Variants in VWF observed in about 807,000 individuals in gnomAD.
VWF encodes the protein Factor VIII related antigen.
VWF carries 176 observed loss-of-function variants against 308.6 expected under a neutral mutation model. The ratio of observed to expected loss-of-function variants is 0.57; its 90% CI spans 0.50 to 0.65. VWF has a LOEUF of 0.65. VWF is among the 30% of genes least tolerant of loss of function. The pLI is 0.00. For synonymous variants in VWF, 1,385 were observed against 1,443.4 expected (o/e 0.96, Z 0.92); for missense variants, 3,146 against 3,648.2 (o/e 0.86, Z 3.55).
chr12:6,088,515 G>A (rs1944998100), intron 6 of VWF, among the ~76,000 whole-genome samples: 1 of 151,112 alleles, frequency 6.6e-6, no homozygotes. Flanking sequence ...GAGAGAAAGG[G>A]GTGCCTTTTT....
Position 6,034,789 on chromosome 12 carries a change from CAT to C in VWF, c.2582_2583del (p.His861ArgfsTer3). ...ATCGTGGAGCACGTGGCATCACACA[CAT>C]GGTCTGTGCAGTTCCACTTCCGGTC... ...CQDRKWNCTDHVCDATCSTIG... is the reference protein window; with the variant it reads ...CQDRKWNCTDXVCDATCSTIG... On this transcript the variant is annotated frameshift_variant, in exon 20 of 52. Coordinates refer to ENST00000261405, the MANE Select transcript of VWF (RefSeq NM_000552.5). LOFTEE classifies it high-confidence loss of function. 2 of 1,614,258 alleles carry C rather than the reference CAT, an allele frequency of 1.2e-6. No homozygotes were observed. Among genetic ancestry groups the C allele is most frequent in the Non-Finnish European group, 8.5e-7 (1 of 1,180,056 alleles).
rs375148917 is a variant in VWF at position 6,062,947 on chromosome 12, C to T, written c.1533+7G>A. ...GCAGGGAGCCAGTACCCCGTGAGGG[C>T]ACCTACCTTCACCAGCAGCCTCCCG... On this transcript the variant is annotated splice_region_variant and intron_variant, in intron 13 of 51. Transcript: ENST00000261405. The T allele has an allele frequency of 1.2e-6, 2 of 1,610,894 alleles. No homozygotes were observed. The highest frequency in any genetic ancestry group is 1.3e-5 in the African/African-American group (1 of 75,014).
At chr12:6,034,619 A>T in intron 20 of VWF, 69 bp downstream of exon 20, 1 of 1,610,776 alleles carries the variant, frequency 6.2e-7, no homozygotes, top group South Asian at 1.1e-5. Context: ...ACAGAACCCA[A>T]CCTGAGGCCA....
chr12:5,968,479 GCTACTCTTGA>G (rs1565812918), intron 45 of VWF, among the ~76,000 whole-genome samples: 1 of 152,144 alleles, frequency 6.6e-6, no homozygotes, highest in East Asian at 1.9e-4. Flanking sequence ...ACAATGAAAC[GCTACTCTTGA>G]AAATTTCAGT....
chr12:5,976,010 C>T, intron 43 of VWF, 101 bp downstream of exon 43: 1 of 1,460,658 alleles, frequency 6.8e-7, no homozygotes, highest in South Asian at 1.2e-5. Flanking sequence ...AGCGAGTCTC[C>T]ATTTCAAAAA....
At chr12:6,069,135 C>A (rs1183130696) in intron 10 of VWF, among the ~76,000 whole-genome samples, 1 of 152,112 alleles carries the variant, frequency 6.6e-6, no homozygotes, top group African/African-American at 2.4e-5. Context: ...GGATTACAGG[C>A]GTGAGCCACC....
intron 16 of VWF, among the ~76,000 whole-genome samples, chr12:6,050,191 T>C (rs1944493738): frequency 6.6e-6 from 1 of 152,178 alleles, no homozygotes. Flanking sequence ...CTTGCGTCAC[T>C]GTCCTCACAG....
intron 6 of VWF, among the ~76,000 whole-genome samples, chr12:6,089,962 CTTTTT>C (rs56198206): frequency 6.6e-6 from 1 of 150,648 alleles, no homozygotes. Flanking sequence ...CCTCTTTTTT[CTTTTT>C]TTTTGTTTGA....
At chr12:5,992,447 C>G (rs1299226831) in intron 37 of VWF, among the ~76,000 whole-genome samples, 3 of 152,182 alleles carry the variant, frequency 2.0e-5, no homozygotes, top group Admixed American at 2.0e-4. Flanking sequence ...CAACTGAGGG[C>G]AGAGCAAGGA....
At position 6,098,687 on chromosome 12, in the gene VWF, G is replaced by A. The variant is rs547941327; in HGVS notation, c.533-3103C>T. Among the ~76,000 whole-genome samples, 4 of 151,980 alleles carry A rather than the reference G, an allele frequency of 2.6e-5. No homozygotes were observed. The East Asian group carries it at 7.8e-4, about 30-fold the overall frequency. On this transcript the variant is annotated intron_variant, in intron 5 of 51. Transcript: ENST00000261405. ...CCAGCTACTCGGGAGGCTGAGGCAG[G>A]AGAATGGTGTGAACCTGGGAGGCGG...
chr12:6,069,311 G>A (rs1944756283), intron 10 of VWF, among the ~76,000 whole-genome samples: 1 of 152,058 alleles, frequency 6.6e-6, no homozygotes, highest in Non-Finnish European at 1.5e-5. Context: ...TCTGAATACG[G>A]GCAGGTCTGT....
At chr12:5,965,336 C>T (rs571147650) in intron 47 of VWF, among the ~76,000 whole-genome samples, 7 of 152,296 alleles carry the variant, frequency 4.6e-5, no homozygotes, top group African/African-American at 1.7e-4. Flanking sequence ...CGGCTCGCAG[C>T]CCTTCCATCC....
At chr12:6,057,484 TTATTATTA>T (rs1490528926) in intron 14 of VWF, among the ~76,000 whole-genome samples, 43 of 49,858 alleles carry the variant, frequency 8.6e-4, no homozygotes, top group African/African-American at 2.2e-3. Flanking sequence ...GGCAAATTTA[TTATTATTA>T]TTATTATTAT....
intron 43 of VWF, among the ~76,000 whole-genome samples, chr12:5,974,495 C>T (rs552033848): frequency 1.5e-3 from 230 of 152,282 alleles, no homozygotes; most frequent in African/African-American, 4.8e-3. Flanking sequence ...GCAGCTCCCC[C>T]AATAGTTGAC....
rs1310309726 is a variant in VWF at position 6,058,203 on chromosome 12, G to C, written c.1534-159C>G. Among the ~76,000 whole-genome samples the C allele has an allele frequency of 1.3e-5, 2 of 152,192 alleles. No individual in the cohort carries two copies. The highest frequency in any genetic ancestry group is 2.9e-5 in the Non-Finnish European group (2 of 68,030). On this transcript the variant is annotated intron_variant, in intron 13 of 51. Coordinates refer to ENST00000261405, the MANE Select transcript of VWF (RefSeq NM_000552.5). The surrounding 1 kb of genome is among the most constrained non-coding windows in gnomAD (Gnocchi z 4.9). ...AGCTAAGCCCTAGGCTGCAAAAGGG[G>C]GGGCGGGGGAAAGTGAACTGCAGTG...
In VWF at chr12:6,021,957, A is replaced by C; in HGVS notation, c.3617T>G (p.Phe1206Cys). 2 of 1,614,176 alleles carry C rather than the reference A, an allele frequency of 1.2e-6. No individual in the cohort carries two copies. The highest frequency in any genetic ancestry group is 1.7e-6 in the Non-Finnish European group (2 of 1,180,030). ...CAAGGTGACTTTCTTTCCTGAGGCAAAACGCCGGCCAGCCACCTCACACAC... is the reference window on the plus strand; with the variant it reads ...CAAGGTGACTTTCTTTCCTGAGGCACAACGCCGGCCAGCCACCTCACACAC... Reference protein sequence around the residue: ...CPVCEVAGRRFASGKKVTLNP... With the variant: ...CPVCEVAGRRCASGKKVTLNP... Residue 1206 changes from phenylalanine to cysteine, a missense_variant, in exon 27 of 52, where the codon TTT (phenylalanine) becomes TGT (cysteine). Coordinates refer to ENST00000261405, the MANE Select transcript of VWF (RefSeq NM_000552.5).
chr12:5,972,572 C>T (rs1208767346), intron 43 of VWF, among the ~76,000 whole-genome samples: 1 of 152,098 alleles, frequency 6.6e-6, no homozygotes, highest in Non-Finnish European at 1.5e-5. Flanking sequence ...CCAGCAGGGC[C>T]GAATCTGAAG....
intron 42 of VWF, among the ~76,000 whole-genome samples, chr12:5,980,654 T>G (rs1025737228): frequency 3.9e-5 from 6 of 152,186 alleles, no homozygotes; most frequent in African/African-American, 1.4e-4. Context: ...AACTGTAGCC[T>G]CCTAGACTTG....
intron 19 of VWF, among the ~76,000 whole-genome samples, chr12:6,035,826 C>CA (rs1944330577): frequency 6.6e-6 from 1 of 152,190 alleles, no homozygotes; most frequent in Admixed American, 6.5e-5. Flanking sequence ...CTCTGAAGTC[C>CA]AAAATGTTCT....
Sources: allele counts gnomAD v4.1 joint callset (sites outside exome capture counted in the v4.1 genomes callset), GRCh38; gene constraint gnomAD v4.1.1; non-coding constraint Gnocchi (gnomAD v3.1); transcripts MANE v1.5; gene names NCBI Gene and HGNC (gene_info 2026-07-23, HGNC 2026-07-21).